The following DNAH6 variants were observed in gnomAD, a reference collection of about 807,000 sequenced individuals.
The protein encoded by DNAH6 is axonemal beta dynein heavy chain 6.
DNAH6 carries 340 observed loss-of-function variants against 491.4 expected under a neutral mutation model. The ratio of observed to expected loss-of-function variants is 0.69; its 90% CI spans 0.63 to 0.76. The LOEUF (loss-of-function observed/expected upper bound fraction) is 0.76. DNAH6 is among the 30% of genes least tolerant of loss of function. DNAH6 has a pLI of 0.00. For missense variants in DNAH6, 4,443 were observed against 4,972.2 expected, an observed-to-expected ratio of 0.89 and a Z score of 3.20; for synonymous variants, 1,603 against 1,686.1, an observed-to-expected ratio of 0.95 and a Z score of 1.21.
chr2:84,602,606 T>C (rs886330219), intron 18 of DNAH6, among the ~76,000 whole-genome samples: 1 of 150,932 alleles, frequency 6.6e-6, no homozygotes, highest in Admixed American at 6.6e-5. Flanking sequence ...CTGTTCAAAT[T>C]TATTTTGCTT....
intron 26 of DNAH6, among the ~76,000 whole-genome samples, chr2:84,623,921 T>G (rs1323434809): frequency 2.0e-5 from 3 of 152,172 alleles, no homozygotes; most frequent in African/African-American, 7.2e-5. Context: ...CACTCTCCTC[T>G]AGAGAATCAT....
intron 2 of DNAH6, among the ~76,000 whole-genome samples, chr2:84,520,956 G>A (rs895215835): frequency 6.6e-6 from 1 of 151,952 alleles, no homozygotes; most frequent in South Asian, 2.1e-4. Flanking sequence ...TCGAATGGGA[G>A]TTCTGCTTTT....
intron 14 of DNAH6, among the ~76,000 whole-genome samples, chr2:84,581,061 G>T (rs1287597457): frequency 6.6e-6 from 1 of 152,194 alleles, no homozygotes; most frequent in Non-Finnish European, 1.5e-5. Context: ...TAGCCAGTCA[G>T]CAAGAAAGAG....
intron 21 of DNAH6, among the ~76,000 whole-genome samples, chr2:84,608,436 C>T (rs1345756807): frequency 6.6e-6 from 1 of 152,182 alleles, no homozygotes; most frequent in East Asian, 1.9e-4. Flanking sequence ...GAAAGTACTC[C>T]TTAATCCATG....
chr2:84,619,861 A>G lies in DNAH6; in HGVS notation c.3749A>G (p.Tyr1250Cys). 1 of 1,551,328 alleles carries G rather than the reference A, an allele frequency of 6.4e-7. No individual in the cohort carries two copies. Residue 1250 changes from tyrosine to cysteine, a missense_variant, in exon 24 of 77, where the codon TAT (tyrosine) becomes TGT (cysteine). Tyr to Cys is a radical substitution (Grantham distance 194, BLOSUM62 -2). Transcript: ENST00000389394. ...PGIDGEPEKV[Y>C]TNDILAMLSP... The stretch of plus-strand genomic sequence containing the variant: ...ATTGATGGAGAACCAGAAAAGGTTT[A>G]TACTAATGATATTTTAGCAATGCTG...
chr2:84,692,624 T>G (rs1186975508), intron 45 of DNAH6, among the ~76,000 whole-genome samples: 1 of 152,230 alleles, frequency 6.6e-6, no homozygotes, highest in Non-Finnish European at 1.5e-5. Flanking sequence ...TAAGAAGAAT[T>G]TATTGATGTT....
chr2:84,621,497 A>C lies in DNAH6; in HGVS notation c.4017A>C (p.Thr1339=). 1 of 1,537,304 alleles carries C rather than the reference A, an allele frequency of 6.5e-7. No homozygotes were observed. The highest frequency in any genetic ancestry group is 2.0e-5 in the Admixed American group (1 of 50,828). ...GTGATTTGACTGAATGTCTGGAAACAGAACACAGTAATCATATACAGGCCC... is the reference window on the plus strand; with the variant it reads ...GTGATTTGACTGAATGTCTGGAAACCGAACACAGTAATCATATACAGGCCC... ...WCRDLTECLE[T]EHSNHIQALK... Residue 1339 remains threonine, a synonymous_variant, in exon 26 of 77, where the codon ACA becomes ACC. Coordinates refer to ENST00000389394, the MANE Select transcript of DNAH6 (RefSeq NM_001370.2).
chr2:84,689,365 G>C (rs969208890), intron 45 of DNAH6, among the ~76,000 whole-genome samples: 1 of 152,102 alleles, frequency 6.6e-6, no homozygotes, highest in Non-Finnish European at 1.5e-5. Flanking sequence ...CCTACCCTTA[G>C]CAGATTCATT....
In DNAH6 at chr2:84,793,246, G is replaced by A. The variant is rs543235930; in HGVS notation, c.11240-3060G>A. Among the ~76,000 whole-genome samples, 26 of 152,148 alleles carry A rather than the reference G, an allele frequency of 1.7e-4. No individual in the cohort carries two copies. In the South Asian group the frequency reaches 2.3e-3, roughly 13 times the overall value. ...CACACGGGCGTGCACACACACAAGCGGTCCCTCTTCTAAGAAGACCAAAGC... is the reference window on the plus strand; with the variant it reads ...CACACGGGCGTGCACACACACAAGCAGTCCCTCTTCTAAGAAGACCAAAGC... On this transcript the variant is annotated intron_variant, in intron 68 of 76. Coordinates refer to ENST00000389394, the MANE Select transcript of DNAH6 (RefSeq NM_001370.2).
intron 68 of DNAH6, among the ~76,000 whole-genome samples, chr2:84,794,591 T>C (rs1440203515): frequency 4.0e-5 from 6 of 150,932 alleles, no homozygotes; most frequent in Non-Finnish European, 8.9e-5. Context: ...TCACCATCAC[T>C]GGCCATCAGA....
chr2:84,778,263 G>A (rs980782831), intron 64 of DNAH6: 41 of 587,168 alleles, frequency 7.0e-5, no homozygotes, highest in Non-Finnish European at 8.9e-5. Flanking sequence ...ATGCATGTCC[G>A]GCGGGCATCG....
At chr2:84,659,947 A>T (rs1691336301) in intron 37 of DNAH6, among the ~76,000 whole-genome samples, 1 of 152,162 alleles carries the variant, frequency 6.6e-6, no homozygotes, top group African/African-American at 2.4e-5. Context: ...TTACCACTGC[A>T]CTCTGGCCTG....
chr2:84,546,505 G>A (rs927585645), intron 5 of DNAH6, among the ~76,000 whole-genome samples: 1 of 152,166 alleles, frequency 6.6e-6, no homozygotes, highest in African/African-American at 2.4e-5. Context: ...CGAGGATACA[G>A]AAGGACTGTA....
At chr2:84,755,859 A>T (rs1559002762) in intron 63 of DNAH6, among the ~76,000 whole-genome samples, 1 of 152,160 alleles carries the variant, frequency 6.6e-6, no homozygotes, top group Non-Finnish European at 1.5e-5. Context: ...GGAGGGACCC[A>T]GTGGGAGGTA....
chr2:84,559,060 T>C (rs140862029), intron 11 of DNAH6, among the ~76,000 whole-genome samples: 1 of 152,158 alleles, frequency 6.6e-6, no homozygotes, highest in Non-Finnish European at 1.5e-5. Context: ...ATTGTAACTG[T>C]CATGGTATGA....
chr2:84,783,619 A>G (rs1264474459), intron 65 of DNAH6, among the ~76,000 whole-genome samples: 2 of 152,258 alleles, frequency 1.3e-5, no homozygotes, highest in Non-Finnish European at 2.9e-5. Context: ...AGAAGCATGA[A>G]ATCAGCTTTG....
chr2:84,698,453 G>A (rs1188301164), intron 47 of DNAH6, among the ~76,000 whole-genome samples: 2 of 152,188 alleles, frequency 1.3e-5, no homozygotes, highest in East Asian at 3.8e-4. Flanking sequence ...AATGTACACT[G>A]TAGAAGTCAA....
chr2:84,798,620 C>T (rs977158811), intron 70 of DNAH6, among the ~76,000 whole-genome samples: 5 of 152,226 alleles, frequency 3.3e-5, no homozygotes, highest in African/African-American at 1.2e-4. Flanking sequence ...AGACAGGCCC[C>T]ACCACCACTG....
chr2:84,459,910 T>G, the DNAH6 span: 2 of 152,310 alleles, frequency 1.3e-5, no homozygotes, highest in Non-Finnish European at 2.9e-5. Flanking sequence ...AATGTGAATT[T>G]TTTTAGTTAA....
Sources: allele counts gnomAD v4.1 joint callset (sites outside exome capture counted in the v4.1 genomes callset), GRCh38; gene constraint gnomAD v4.1.1; transcripts MANE v1.5; gene names NCBI Gene and HGNC (gene_info 2026-07-23, HGNC 2026-07-21).